The following TMEM150C variants were observed in gnomAD, a reference collection of about 807,000 sequenced individuals.
TMEM150C encodes the protein tentonin 3.
A neutral mutation model predicts 29.9 loss-of-function variants in TMEM150C; 10 were observed. That is an observed-to-expected ratio of 0.33 (90% confidence interval 0.21 to 0.57). TMEM150C has a LOEUF of 0.57. TMEM150C is among the 20% of genes least tolerant of loss of function. TMEM150C has a pLI of 0.88. For missense variants in TMEM150C, 251 were observed against 303.6 expected (o/e 0.83, Z 1.29); for synonymous variants, 101 against 112.5 (o/e 0.90, Z 0.64).
chr4:82,498,876 C>T (rs1426683675), intron 5 of TMEM150C, among the ~76,000 whole-genome samples: 1 of 152,154 alleles, frequency 6.6e-6, no homozygotes, highest in African/African-American at 2.4e-5. Flanking sequence ...AATGGTAAGT[C>T]ATCTTATCAT....
chr4:82,509,976 T>C (rs183873645), intron 1 of TMEM150C, among the ~76,000 whole-genome samples: 2 of 152,294 alleles, frequency 1.3e-5, no homozygotes, highest in African/African-American at 4.8e-5. Context: ...TTCTATTTTA[T>C]CAAGCAGCAA....
intron 1 of TMEM150C, among the ~76,000 whole-genome samples, chr4:82,532,640 T>C (rs1724882574): frequency 6.6e-6 from 1 of 152,176 alleles, no homozygotes; most frequent in Non-Finnish European, 1.5e-5. Context: ...ACATCTATAA[T>C]TGTATATACA....
intron 1 of TMEM150C, among the ~76,000 whole-genome samples, chr4:82,505,108 A>G (rs6831325): frequency 0.2 from 30,692 of 152,220 alleles, 3,295 homozygotes; most frequent in Non-Finnish European, 0.22. Flanking sequence ...TGGTATCATT[A>G]TTCTCACCTA....
chr4:82,551,601 T>C (rs1372214284), intron 1 of TMEM150C, among the ~76,000 whole-genome samples: 2 of 152,166 alleles, frequency 1.3e-5, no homozygotes, highest in Non-Finnish European at 2.9e-5. Context: ...CTGCTTTTTT[T>C]CATTTTCCCC....
At chr4:82,556,639 AGAGT>A (rs1488513948) in intron 1 of TMEM150C, among the ~76,000 whole-genome samples, 1 of 152,192 alleles carries the variant, frequency 6.6e-6, no homozygotes, top group Non-Finnish European at 1.5e-5. Flanking sequence ...TCTGGGTGAC[AGAGT>A]GAGTGAGACT....
At chr4:82,526,808 A>G (rs1724666476) in intron 1 of TMEM150C, among the ~76,000 whole-genome samples, 1 of 152,180 alleles carries the variant, frequency 6.6e-6, no homozygotes, top group Non-Finnish European at 1.5e-5. Flanking sequence ...CTTTACTGAT[A>G]GTCTTTCTGA....
chr4:82,533,037 C>T (rs537861172), intron 1 of TMEM150C, among the ~76,000 whole-genome samples: 2 of 152,094 alleles, frequency 1.3e-5, no homozygotes, highest in African/African-American at 4.8e-5. Context: ...CTCAAGTAAA[C>T]GTTTAATTGA....
chr4:82,536,737 ATGTT>A (rs1369741772), intron 1 of TMEM150C, among the ~76,000 whole-genome samples: 1 of 152,140 alleles, frequency 6.6e-6, no homozygotes, highest in Admixed American at 6.5e-5. Context: ...AAATATTGAT[ATGTT>A]TGACCACAGA....
At chr4:82,526,564 G>A (rs1357477855) in intron 1 of TMEM150C, among the ~76,000 whole-genome samples, 8 of 152,146 alleles carry the variant, frequency 5.3e-5, no homozygotes, top group Non-Finnish European at 8.8e-5. Flanking sequence ...CTGTAAGGTG[G>A]AGACTATTTT....
intron 7 of TMEM150C, among the ~76,000 whole-genome samples, chr4:82,487,411 T>C (rs1307153097): frequency 1.3e-5 from 2 of 152,176 alleles, no homozygotes; most frequent in Non-Finnish European, 1.5e-5. Flanking sequence ...ATCATGCCCC[T>C]GCACTCCAGC....
At chr4:82,556,225 G>A (rs1468278687) in intron 1 of TMEM150C, among the ~76,000 whole-genome samples, 2 of 152,082 alleles carry the variant, frequency 1.3e-5, no homozygotes, top group East Asian at 1.9e-4. Flanking sequence ...TGATCCACCC[G>A]CCTTGGCCTC....
At chr4:82,506,241 C>T (rs1165058372) in intron 1 of TMEM150C, among the ~76,000 whole-genome samples, 3 of 152,210 alleles carry the variant, frequency 2.0e-5, no homozygotes, top group Non-Finnish European at 4.4e-5. Context: ...TGATGCTCCT[C>T]GCTTCAGGCT....
At chr4:82,561,829 G>T (rs1725945888) in intron 1 of TMEM150C, 77 bp downstream of exon 1, 1 of 952,476 alleles carries the variant, frequency 1.0e-6, no homozygotes, top group Non-Finnish European at 1.2e-6. Context: ...CTCCGCCTGC[G>T]GGCTGCGCAC....
intron 7 of TMEM150C, among the ~76,000 whole-genome samples, chr4:82,486,216 A>G (rs887785158): frequency 7.2e-5 from 11 of 151,852 alleles, no homozygotes; most frequent in East Asian, 1.9e-4. Flanking sequence ...AAAGGATTAC[A>G]CTTCCAAAGT....
At chr4:82,520,956 G>C (rs563712933) in intron 1 of TMEM150C, among the ~76,000 whole-genome samples, 6 of 152,182 alleles carry the variant, frequency 3.9e-5, no homozygotes, top group Non-Finnish European at 8.8e-5. Context: ...CTGACTTTAC[G>C]CACTACTCAC....
At chr4:82,485,910 G>A (rs1484301656) in intron 7 of TMEM150C, among the ~76,000 whole-genome samples, 191 bp from the exon 8 acceptor site, 1 of 152,166 alleles carries the variant, frequency 6.6e-6, no homozygotes, top group Non-Finnish European at 1.5e-5. Context: ...ATATTTGGTG[G>A]TAGACATGCT....
intron 1 of TMEM150C, among the ~76,000 whole-genome samples, chr4:82,554,545 C>T (rs1281724859): frequency 6.6e-6 from 1 of 152,012 alleles, no homozygotes; most frequent in Non-Finnish European, 1.5e-5. Flanking sequence ...CTAATTATTG[C>T]CATTTAAATA....
At chr4:82,523,972 A>C (rs1386018771) in intron 1 of TMEM150C, among the ~76,000 whole-genome samples, 2 of 151,624 alleles carry the variant, frequency 1.3e-5, no homozygotes, top group East Asian at 3.9e-4. Flanking sequence ...GTGAGCCACT[A>C]CACCTGGCCT....
At chr4:82,488,140 T>G (rs928140194) in intron 7 of TMEM150C, among the ~76,000 whole-genome samples, 7 of 152,212 alleles carry the variant, frequency 4.6e-5, no homozygotes. Context: ...TTCTTATGCC[T>G]TTGTGTCCTC....
Sources: gnomAD v4.1 joint callset for allele counts (sites outside exome capture counted in the v4.1 genomes callset) on GRCh38, gnomAD v4.1.1 for gene constraint, MANE v1.5 for transcripts, NCBI Gene and HGNC (gene_info 2026-07-23, HGNC 2026-07-21) for gene names.